TBC1D10A: variants seen among roughly 807,000 people sequenced by gnomAD.
The protein encoded by TBC1D10A is EBP50-PDX interactor of 64 kDa.
In TBC1D10A, 24 loss-of-function variants were observed where a neutral mutation model predicts 52.9. The observed-to-expected ratio is 0.45, with a 90% CI of 0.33 to 0.64. The LOEUF (loss-of-function observed/expected upper bound fraction) is 0.64, where lower values mean the gene tolerates loss of function less well. Ranked by LOEUF, TBC1D10A falls within the 30% of genes least tolerant of loss-of-function variation. TBC1D10A has a pLI of 0.02. For missense variants in TBC1D10A, 602 were observed against 687.9 expected (o/e 0.88, Z 1.40); for synonymous variants, 278 against 282.9 (o/e 0.98, Z 0.17).
At chr22:30,306,824 T>C (rs1174017035) in intron 1 of TBC1D10A, among the ~76,000 whole-genome samples, 2 of 152,200 alleles carry the variant, frequency 1.3e-5, no homozygotes, top group Non-Finnish European at 2.9e-5. Context: ...GCGTACCACA[T>C]GCTCTCTAAC....
At chr22:30,294,551 G>T (rs1447579707) in intron 6 of TBC1D10A, among the ~76,000 whole-genome samples, 1 of 152,218 alleles carries the variant, frequency 6.6e-6, no homozygotes, top group African/African-American at 2.4e-5. Flanking sequence ...AGAACTTGGT[G>T]CCCTGGAAGA....
rs547086076 is a variant in TBC1D10A at position 30,294,020 on chromosome 22, C to A, written c.796G>T (p.Asp266Tyr). The change falls in exon 7 of 9, where the codon GAC becomes TAC. Residue 266 changes from aspartate to tyrosine, a missense_variant. This residue lies in a region of TBC1D10A where 136 missense variants were observed against 208.4 expected (regional missense o/e 0.65). Coordinates refer to ENST00000215790, the MANE Select transcript of TBC1D10A (RefSeq NM_031937.3). ...AHKHLSRQKI[D>Y]PLLYMTEWFM... Reference sequence around the variant, plus strand: ...CATTCTGTCATATAGAGGAGCGGGTCGATCTTCTGACGGCTGAGGTGCTTG... The same window carrying A: ...CATTCTGTCATATAGAGGAGCGGGTAGATCTTCTGACGGCTGAGGTGCTTG... 1 of 1,614,118 alleles carries A rather than the reference C, an allele frequency of 6.2e-7. No individual in the cohort carries two copies. The highest frequency in any genetic ancestry group is 2.2e-5 in the East Asian group (1 of 44,874).
At chr22:30,323,569 T>C (rs1233573022) in intron 1 of TBC1D10A, among the ~76,000 whole-genome samples, 1 of 152,240 alleles carries the variant, frequency 6.6e-6, no homozygotes, top group African/African-American at 2.4e-5. Context: ...GTCCAAGTCC[T>C]AGTTCTGCCA....
rs771008772 is a variant in TBC1D10A at position 30,294,977 on chromosome 22, G to A, written c.603C>T (p.Pro201=). 1.2e-6 allele frequency: 2 copies of A among 1,614,062 alleles called. No individual in the cohort carries two copies. The highest frequency in any genetic ancestry group is 1.7e-6 in the Non-Finnish European group (2 of 1,180,030). The change falls in exon 5 of 9, where the codon CCC becomes CCT. Residue 201 remains proline (P), a synonymous_variant. Transcript: ENST00000215790. ...TATGCATGAGCAAGACAGCGGCAAT[G>A]GGCGCCTGGGCCTGGCAGTAGCCCT... ...PEEGYCQAQA[P]IAAVLLMHMP... is the part of the protein sequence containing the mutation.
intron 1 of TBC1D10A, among the ~76,000 whole-genome samples, chr22:30,321,987 T>C: frequency 6.6e-6 from 1 of 151,496 alleles, no homozygotes; most frequent in East Asian, 1.9e-4. Context: ...GGCCTTTTTT[T>C]TTTTTTTTTT....
At chr22:30,301,294 G>A (rs1195141724) in intron 2 of TBC1D10A, among the ~76,000 whole-genome samples, 1 of 152,112 alleles carries the variant, frequency 6.6e-6, no homozygotes, top group Non-Finnish European at 1.5e-5. Context: ...GGAGGGGTGA[G>A]ATGGCCAATG....
Position 30,326,791 on chromosome 22 carries a change from C to T in TBC1D10A, c.91G>A (p.Asp31Asn). The stretch of plus-strand genomic sequence containing the variant: ...CTGAGTTCGTCGGTGGTTGCGGCGT[C>T]GGGGCCCTGGGCCAGGCTCTCCCGG... Reference protein sequence around the residue: ...GTRESLAQGPDAATTDELSSL... With the variant: ...GTRESLAQGPNAATTDELSSL... The change falls in exon 1 of 9, where the codon GAC becomes AAC. Residue 31 changes from aspartate (D) to asparagine (N), a missense_variant. Asp to Asn is a conservative substitution (Grantham distance 23). Transcript: ENST00000215790. 1.3e-6 allele frequency: 2 copies of T among 1,498,256 alleles called. No homozygotes were observed. The highest frequency in any genetic ancestry group is 2.7e-5 in the East Asian group (1 of 36,968). The allele number at this position is 1,498,256 out of a possible 1,614,324, so 92.8% of individuals were successfully genotyped here. A position where few individuals can be genotyped will look rare whatever the true frequency, so the allele number is the denominator to read the frequency against.
chr22:30,300,318 G>A (rs989996304), intron 2 of TBC1D10A, among the ~76,000 whole-genome samples: 4 of 152,004 alleles, frequency 2.6e-5, no homozygotes. Context: ...GCATGGTGGT[G>A]GGCGCCTGTA....
intron 1 of TBC1D10A, among the ~76,000 whole-genome samples, chr22:30,312,003 G>A (rs1930435452): frequency 2.6e-5 from 4 of 152,150 alleles, no homozygotes; most frequent in Admixed American, 2.6e-4. Context: ...GTGTTGCCCA[G>A]GCTAGTCTCA....
In TBC1D10A at chr22:30,301,164, C is replaced by T. The variant is rs560853070; in HGVS notation, c.310-1613G>A. Among the ~76,000 whole-genome samples the T allele has an allele frequency of 4.5e-4, 69 of 152,328 alleles. 1 individual carries two copies. The highest frequency in any genetic ancestry group is 1.6e-3 in the African/African-American group (68 of 41,576). ...ACCCAGCCCCGTGTACTTTCTACATCACCAGTGGGCTCCTCCTGGGCTTGG... is the reference window on the plus strand; with the variant it reads ...ACCCAGCCCCGTGTACTTTCTACATTACCAGTGGGCTCCTCCTGGGCTTGG... On this transcript the variant is annotated intron_variant, in intron 2 of 8. Transcript: ENST00000215790.
chr22:30,295,555 C>A (rs1208672854), intron 4 of TBC1D10A, among the ~76,000 whole-genome samples, 182 bp downstream of exon 4: 4 of 152,178 alleles, frequency 2.6e-5, no homozygotes, highest in African/African-American at 9.7e-5. Flanking sequence ...TGAGGAAAGC[C>A]CCCCCAGAGG....
At chr22:30,323,783 T>C (rs984775566) in intron 1 of TBC1D10A, among the ~76,000 whole-genome samples, 2 of 152,122 alleles carry the variant, frequency 1.3e-5, no homozygotes, top group African/African-American at 4.8e-5. Flanking sequence ...CTGGCCAACA[T>C]GGTGAAACTC....
At chr22:30,293,217 C>A in intron 8 of TBC1D10A, 1 of 629,100 alleles carries the variant, frequency 1.6e-6, no homozygotes, top group Non-Finnish European at 3.0e-6. Flanking sequence ...CCAGCTCCAC[C>A]TGGGTGGGTG....
chr22:30,321,509 C>T (rs1450641023), intron 1 of TBC1D10A, among the ~76,000 whole-genome samples: 1 of 152,256 alleles, frequency 6.6e-6, no homozygotes, highest in East Asian at 1.9e-4. Context: ...TAAGCCAGTT[C>T]TATGATTTCC....
Position 30,293,907 on chromosome 22 carries a change from G to T in TBC1D10A, c.895+14C>A, listed in dbSNP as rs747395164. 4 of 1,608,934 alleles carry T rather than the reference G, an allele frequency of 2.5e-6. 1 individual carries two copies. The South Asian group carries it at 3.3e-5, about 13-fold the overall frequency. ...CTGGGGACAGGGGTGCTCCCCCCAA[G>T]CCCAGCCCAGTACCTTCACAGAAGA... On this transcript the variant is annotated intron_variant, in intron 7 of 8. Coordinates refer to ENST00000215790, the MANE Select transcript of TBC1D10A (RefSeq NM_031937.3).
At chr22:30,300,654 C>A (rs1930184352) in intron 2 of TBC1D10A, 1 of 152,116 alleles carries the variant, frequency 6.6e-6, no homozygotes, top group Admixed American at 6.6e-5. Context: ...TGGCAGGATA[C>A]CGCCAGCCTA....
Position 30,299,507 on chromosome 22 carries a change from G to T in TBC1D10A, c.354C>A (p.Gly118=). The part of the protein sequence containing the change: ...CQKGIPPSLR[G]RAWQYLSGGK... ...CTCCTGACAGGTACTGCCAAGCACG[G>T]CCCCGCAGAGAAGGCGGGATGCCCT... Residue 118 remains glycine (G), a synonymous_variant, in exon 3 of 9, where the codon GGC becomes GGA. Coordinates refer to ENST00000215790, the MANE Select transcript of TBC1D10A (RefSeq NM_031937.3). 6.2e-7 allele frequency: 1 copy of T among 1,614,172 alleles called. No homozygotes were observed. The highest frequency in any genetic ancestry group is 8.5e-7 in the Non-Finnish European group (1 of 1,180,002).
At chr22:30,293,285 T>C (rs1319373725) in intron 8 of TBC1D10A, 2 of 601,272 alleles carry the variant, frequency 3.3e-6, no homozygotes, top group Non-Finnish European at 6.4e-6. Context: ...TCCTCATGTG[T>C]AAAAGCTGGT....
chr22:30,317,991 C>T (rs1318000013), intron 1 of TBC1D10A, among the ~76,000 whole-genome samples: 1 of 152,150 alleles, frequency 6.6e-6, no homozygotes, highest in Non-Finnish European at 1.5e-5. Flanking sequence ...GTGGTGGAGC[C>T]ATCACTGACA....
Sources: gnomAD v4.1 joint callset for allele counts (sites outside exome capture counted in the v4.1 genomes callset) on GRCh38, gnomAD v4.1.1 for gene constraint, gnomAD v4.1.1 regional missense constraint, MANE v1.5 for transcripts, NCBI Gene and HGNC (gene_info 2026-07-23, HGNC 2026-07-21) for gene names.